Variants in CARS1 observed in about 807,000 individuals in gnomAD.
CARS1 encodes cysteine--tRNA ligase, cytoplasmic.
CARS1 carries 48 observed loss-of-function variants against 106.2 expected under a neutral mutation model. The observed-to-expected ratio is 0.45, with a 90% CI of 0.36 to 0.57. The LOEUF is 0.57. Ranked by LOEUF, CARS1 falls within the 20% of genes least tolerant of loss-of-function variation. The pLI, the probability that CARS1 is intolerant of heterozygous loss-of-function variation, is 0.00. For missense variants in CARS1, 968 were observed against 1,057.2 expected, an observed-to-expected ratio of 0.92 and a Z score of 1.17; for synonymous variants, 409 against 403.4, an observed-to-expected ratio of 1.01 and a Z score of -0.17.
intron 10 of CARS1, among the ~76,000 whole-genome samples, chr11:3,025,562 A>C (rs1267910975): frequency 6.6e-6 from 1 of 152,216 alleles, no homozygotes; most frequent in African/African-American, 2.4e-5. Flanking sequence ...ATAGAGCCTA[A>C]AATTAGATAA....
rs1412571734 is a variant in CARS1, at chr11:3,001,075, C to T, written c.*39G>A. ...TTGTCACTGAGGCAGACAGCAGCCA[C>T]TAGTCCACAATGGTTTAAAAAGTCA... On this transcript the variant is annotated 3_prime_UTR_variant, in exon 23 of 23. Coordinates refer to ENST00000380525, the MANE Select transcript of CARS1 (RefSeq NM_001014437.3). 1.9e-6 allele frequency: 3 copies of T among 1,608,912 alleles called. No homozygotes were observed. Among genetic ancestry groups the T allele is most frequent in the Non-Finnish European group, 2.5e-6 (3 of 1,176,548 alleles).
intron 18 of CARS1, among the ~76,000 whole-genome samples, chr11:3,011,388 G>A (rs1043542693): frequency 1.3e-5 from 2 of 151,922 alleles, no homozygotes; most frequent in South Asian, 2.1e-4. Context: ...GGTGGATCAC[G>A]AGGTCAGGAG....
chr11:3,012,010 C>T (rs982431013), intron 18 of CARS1, among the ~76,000 whole-genome samples, 185 bp downstream of exon 18: 5 of 152,242 alleles, frequency 3.3e-5, no homozygotes, highest in South Asian at 4.1e-4. Context: ...GTGACTGGAG[C>T]GTGTGGTACT....
At chr11:3,042,783 CTG>C (rs1200381436) in intron 2 of CARS1, among the ~76,000 whole-genome samples, 1 of 152,212 alleles carries the variant, frequency 6.6e-6, no homozygotes, top group African/African-American at 2.4e-5. Context: ...CCTGGACAAA[CTG>C]AGGATTTTGA....
Position 3,038,335 on chromosome 11 carries a change from G to GC in CARS1, c.652-137dup. 1 of 790,228 alleles carries GC rather than the reference G, an allele frequency of 1.3e-6. No individual in the cohort carries two copies. Among genetic ancestry groups the GC allele is most frequent in the African/African-American group, 1.7e-5 (1 of 57,950 alleles). 49.0% of individuals were successfully genotyped at this position (790,228 alleles called of 1,614,324 possible). The stretch of plus-strand genomic sequence containing the variant: ...GATAGAGAAGTGTGCAACCCAAGTG[G>GC]CCAGGCAGTAAGGAACTAAGAGAGA... On this transcript the variant is annotated intron_variant, in intron 6 of 22. Coordinates refer to ENST00000380525, the MANE Select transcript of CARS1 (RefSeq NM_001014437.3). The surrounding 1 kb of genome is among the most constrained non-coding windows in gnomAD (Gnocchi z 4.0).
chr11:3,007,236 G>A (rs1849969578), intron 18 of CARS1: 1 of 504,086 alleles, frequency 2.0e-6, no homozygotes, highest in Non-Finnish European at 3.5e-6. Flanking sequence ...CCAGGAGGAA[G>A]CATAGCACAC....
chr11:3,032,001 TCCCTCCCTCCC>T (rs1565074432), intron 7 of CARS1, among the ~76,000 whole-genome samples: 245 of 13,126 alleles, frequency 0.019, 48 homozygotes, highest in East Asian at 0.041. Flanking sequence ...CTTCCTTCCC[TCCCTCCCTCCC>T]TCCCTCCCTC....
intron 7 of CARS1, among the ~76,000 whole-genome samples, chr11:3,033,623 A>G (rs1853179181): frequency 6.6e-6 from 1 of 152,248 alleles, no homozygotes; most frequent in Admixed American, 6.5e-5. Context: ...CTTAAATCAG[A>G]AAATAAGCTA....
chr11:3,047,104 C>T (rs1269866489), intron 2 of CARS1, among the ~76,000 whole-genome samples: 2 of 151,852 alleles, frequency 1.3e-5, no homozygotes, highest in African/African-American at 2.4e-5. Flanking sequence ...GGTGAAACCC[C>T]GTCTCTACTA....
At chr11:3,023,802 T>G (rs1392086726) in intron 10 of CARS1, among the ~76,000 whole-genome samples, 1 of 152,258 alleles carries the variant, frequency 6.6e-6, no homozygotes, top group African/African-American at 2.4e-5. Flanking sequence ...TTCTGTTTCT[T>G]TAATCTCTGA....
At chr11:3,051,212 T>C (rs6578318) in intron 1 of CARS1, among the ~76,000 whole-genome samples, 141,216 of 152,350 alleles carry the variant, frequency 0.93, 65,509 homozygotes, top group African/African-American at 0.96. Context: ...ACCAGAGACA[T>C]AAGAACAAGT....
In CARS1 at chr11:3,028,345, CAG is replaced by C; in HGVS notation, c.1031+649_1031+650del. The C allele has an allele frequency of 4.2e-6, 2 of 473,412 alleles. No individual in the cohort carries two copies. The highest frequency in any genetic ancestry group is 3.8e-6 in the Non-Finnish European group (1 of 265,600). 29.3% of individuals were successfully genotyped at this position (473,412 alleles called of 1,614,324 possible). A position where few individuals can be genotyped will look rare whatever the true frequency, so the allele number is the denominator to read the frequency against. On this transcript the variant is annotated intron_variant, in intron 9 of 22. Transcript: ENST00000380525. This position sits in a 1 kb window ranked among gnomAD's most constrained non-coding sequence, Gnocchi z 4.4. ...CTTGGTGGTAGTGGTCCCCCGGGCCCAGCTGTCTTCTCTTTTATCTCTTTGTC... is the reference window on the plus strand; with the variant it reads ...CTTGGTGGTAGTGGTCCCCCGGGCCCCTGTCTTCTCTTTTATCTCTTTGTC...
Position 3,022,754 on chromosome 11 carries a change from C to A in CARS1, c.1154-2422G>T, listed in dbSNP as rs1851679845. Among the ~76,000 whole-genome samples, 1 of 152,202 alleles carries A rather than the reference C, an allele frequency of 6.6e-6. No homozygotes were observed. The highest frequency in any genetic ancestry group is 1.5e-5 in the Non-Finnish European group (1 of 68,046). ...CCTGCCACGTGCCTTCCCGAGTGGT[C>A]TGCATGGCCCATCTGCCTCTGGTGG... On this transcript the variant is annotated intron_variant, in intron 10 of 22. Coordinates refer to ENST00000380525, the MANE Select transcript of CARS1 (RefSeq NM_001014437.3). This position sits in a 1 kb window ranked among gnomAD's most constrained non-coding sequence, Gnocchi z 4.9.
At position 3,037,702 on chromosome 11, in the gene CARS1, G is replaced by T. The variant is rs563493754; in HGVS notation, c.801+348C>A. 2.6e-5 allele frequency among the ~76,000 whole-genome samples: 4 copies of T among 152,150 alleles called. No homozygotes were observed. Among genetic ancestry groups the T allele is most frequent in the Non-Finnish European group, 5.9e-5 (4 of 68,020 alleles). ...TGCTCCTCCTTCTCCAGCTGGTGTGGGGAGAGTCCGCTGGAGAATCTTGGA... is the reference window on the plus strand; with the variant it reads ...TGCTCCTCCTTCTCCAGCTGGTGTGTGGAGAGTCCGCTGGAGAATCTTGGA... On this transcript the variant is annotated intron_variant, in intron 7 of 22. Transcript: ENST00000380525. The surrounding 1 kb of genome is among the most constrained non-coding windows in gnomAD (Gnocchi z 5.9).
rs567608644 is a variant in CARS1 at position 3,045,146 on chromosome 11, G to A, written c.274+2607C>T. Reference sequence around the variant, plus strand: ...GTGAGAAGTGCTCAACAAGTTCAACGTCCTGATATCCAGTGGACCTCCGTG... The same window carrying A: ...GTGAGAAGTGCTCAACAAGTTCAACATCCTGATATCCAGTGGACCTCCGTG... On this transcript the variant is annotated intron_variant, in intron 2 of 22. Coordinates refer to ENST00000380525, the MANE Select transcript of CARS1 (RefSeq NM_001014437.3). The surrounding 1 kb of genome is among the most constrained non-coding windows in gnomAD (Gnocchi z 5.6). Among the ~76,000 whole-genome samples the A allele has an allele frequency of 1.3e-5, 2 of 152,256 alleles. No homozygotes were observed. Among genetic ancestry groups the A allele is most frequent in the East Asian group, 1.9e-4 (1 of 5,182 alleles).
chr11:3,038,202 G>A lies in CARS1; in HGVS notation c.652-3C>T, dbSNP rs1396067605. 1.2e-6 allele frequency: 2 copies of A among 1,613,344 alleles called. No individual in the cohort carries two copies. The highest frequency in any genetic ancestry group is 1.7e-5 in the Admixed American group (1 of 59,960). Reference sequence around the variant, plus strand: ...TCATTTAATTTTACTGAAAATGGCTGCAACCATAAAGAGACGTCAAATCTA... The same window carrying A: ...TCATTTAATTTTACTGAAAATGGCTACAACCATAAAGAGACGTCAAATCTA... On this transcript the variant is annotated splice_region_variant and splice_polypyrimidine_tract_variant and intron_variant, in intron 6 of 22. Transcript: ENST00000380525. The surrounding 1 kb of genome is among the most constrained non-coding windows in gnomAD (Gnocchi z 4.0).
chr11:3,031,362 T>A (rs982954414), intron 7 of CARS1: 1 of 152,176 alleles, frequency 6.6e-6, no homozygotes, highest in Admixed American at 6.5e-5. Flanking sequence ...CAGGGAAATA[T>A]ACACACTTCA....
At chr11:3,055,498 G>A (rs1240136443) in intron 1 of CARS1, among the ~76,000 whole-genome samples, 1 of 152,216 alleles carries the variant, frequency 6.6e-6, no homozygotes, top group Admixed American at 6.5e-5. Flanking sequence ...GATGGGAGGA[G>A]GCGATAGTAA....
rs1465130004 is a variant in CARS1 at position 3,017,967 on chromosome 11, A to C, written c.1630-13T>G. 3.1e-6 allele frequency: 5 copies of C among 1,590,504 alleles called. No homozygotes were observed. The highest frequency in any genetic ancestry group is 4.3e-6 in the Non-Finnish European group (5 of 1,159,620). The stretch of plus-strand genomic sequence containing the variant: ...TTAAGAAAAACTCCTGAAGTTAGAA[A>C]AATCAGTTTAACAGCATTTAGGCAA... On this transcript the variant is annotated splice_polypyrimidine_tract_variant and intron_variant, in intron 14 of 22. Coordinates refer to ENST00000380525, the MANE Select transcript of CARS1 (RefSeq NM_001014437.3). The surrounding 1 kb of genome is among the most constrained non-coding windows in gnomAD (Gnocchi z 4.9).
Sources: gnomAD v4.1 joint callset for allele counts (sites outside exome capture counted in the v4.1 genomes callset) on GRCh38, gnomAD v4.1.1 for gene constraint, Gnocchi (gnomAD v3.1) non-coding constraint, MANE v1.5 for transcripts, NCBI Gene and HGNC (gene_info 2026-07-23, HGNC 2026-07-21) for gene names.